TMEM116: variants seen among roughly 807,000 people sequenced by gnomAD.
The protein encoded by TMEM116 is transmembrane protein 116.
TMEM116 carries 38 observed loss-of-function variants against 44.3 expected under a neutral mutation model. The ratio of observed to expected loss-of-function variants is 0.86; its 90% CI spans 0.66 to 1.12. The LOEUF is 1.12. Among genes scored for constraint, TMEM116 ranks in the 50% most tolerant of loss-of-function variants. The pLI is 0.00. For missense variants in TMEM116, 354 were observed against 401.7 expected (o/e 0.88, Z 1.01); for synonymous variants, 132 against 144.8 (o/e 0.91, Z 0.64).
chr12:111,967,748 C>T (rs1189732385), intron 4 of TMEM116, among the ~76,000 whole-genome samples: 1 of 152,102 alleles, frequency 6.6e-6, no homozygotes, highest in African/African-American at 2.4e-5. Context: ...ACTGGGACTT[C>T]CACTTCTGGC....
chr12:111,972,383 TA>T (rs2075396213), intron 4 of TMEM116, among the ~76,000 whole-genome samples: 1 of 152,090 alleles, frequency 6.6e-6, no homozygotes, highest in Non-Finnish European at 1.5e-5. Flanking sequence ...AATCCACAAT[TA>T]TAGTCAGATA....
intron 3 of TMEM116, among the ~76,000 whole-genome samples, chr12:111,996,790 T>C (rs2076950895): frequency 6.6e-6 from 1 of 152,214 alleles, no homozygotes; most frequent in Non-Finnish European, 1.5e-5. Context: ...TATAGCAGCA[T>C]AAGCAGGTAA....
intron 3 of TMEM116, among the ~76,000 whole-genome samples, chr12:111,997,191 G>C (rs1405815292): frequency 6.6e-6 from 1 of 152,096 alleles, no homozygotes; most frequent in Non-Finnish European, 1.5e-5. Context: ...TCTTTAAATA[G>C]TACATACATG....
At chr12:111,990,591 A>C (rs142274297) in intron 4 of TMEM116, among the ~76,000 whole-genome samples, 134 of 152,330 alleles carry the variant, frequency 8.8e-4, no homozygotes, top group Admixed American at 1.8e-3. Flanking sequence ...ATTTCTTACT[A>C]AATTGACAGA....
intron 3 of TMEM116, among the ~76,000 whole-genome samples, chr12:111,998,536 G>A (rs1307538046): frequency 6.6e-6 from 1 of 152,202 alleles, no homozygotes; most frequent in African/African-American, 2.4e-5. Flanking sequence ...AGCCCTATGA[G>A]GCTGGGCGCA....
intron 4 of TMEM116, among the ~76,000 whole-genome samples, chr12:111,952,583 A>G (rs1017014084): frequency 6.6e-6 from 1 of 152,160 alleles, no homozygotes; most frequent in African/African-American, 2.4e-5. Context: ...GAGTCAGTGG[A>G]CTGTGAAAGG....
chr12:111,992,484 C>T (rs772876261), intron 3 of TMEM116, among the ~76,000 whole-genome samples: 7 of 151,962 alleles, frequency 4.6e-5, no homozygotes, highest in South Asian at 4.2e-4. Context: ...TTAGCCAGGA[C>T]GGTCTCGATC....
chr12:111,936,913 T>C, intron 7 of TMEM116, 83 bp from the exon 8 acceptor site: 1 of 1,432,770 alleles, frequency 7.0e-7, no homozygotes, highest in Non-Finnish European at 9.5e-7. Context: ...GCATGTTATT[T>C]TACTTATCAT....
At chr12:111,975,972 C>G (rs1565926987) in intron 4 of TMEM116, among the ~76,000 whole-genome samples, 1 of 152,066 alleles carries the variant, frequency 6.6e-6, no homozygotes, top group Non-Finnish European at 1.5e-5. Flanking sequence ...ACCATCAACT[C>G]CATTTAAGAA....
chr12:111,991,844 GTC>G lies in TMEM116; in HGVS notation c.122_123del (p.Gly41AlafsTer17). 1 of 1,536,200 alleles carries G rather than the reference GTC, an allele frequency of 6.5e-7. No individual in the cohort carries two copies. The highest frequency in any genetic ancestry group is 8.7e-7 in the Non-Finnish European group (1 of 1,146,752). On this transcript the variant is annotated frameshift_variant, in exon 4 of 11. Transcript: ENST00000552374. LOFTEE classifies it high-confidence loss of function. ...AGAAGTGTCTCCGTGAGCCAGCAAA[GTC>G]CCAGGAGCAGGTCACAGAAGCTCAG... is the stretch of plus-strand genomic sequence containing the variant. ...FYLSFCDLLL[G>X]LCWLTETLLY...
intron 4 of TMEM116, among the ~76,000 whole-genome samples, chr12:111,952,749 A>C (rs373759118): frequency 6.6e-6 from 1 of 151,788 alleles, no homozygotes; most frequent in Non-Finnish European, 1.5e-5. Flanking sequence ...TGAATGTCAG[A>C]CTCCAAGTTC....
Position 111,956,263 on chromosome 12 carries a change from T to G in TMEM116, c.211-12894A>C, listed in dbSNP as rs542741885. 2.0e-5 allele frequency among the ~76,000 whole-genome samples: 3 copies of G among 152,294 alleles called. No homozygotes were observed. The East Asian group carries it at 5.8e-4, about 29-fold the overall frequency. ...CATAATAAGGTTATAATATAAGAAG[T>G]GAACAAATCTCATTCTAATTTGTAT... On this transcript the variant is annotated intron_variant, in intron 4 of 10. Transcript: ENST00000552374.
At chr12:111,940,929 A>C (rs1448281182) in intron 5 of TMEM116, among the ~76,000 whole-genome samples, 2 of 152,138 alleles carry the variant, frequency 1.3e-5, no homozygotes, top group East Asian at 3.8e-4. Flanking sequence ...TATCCCTGTA[A>C]GGCTGCTGGA....
intron 4 of TMEM116, among the ~76,000 whole-genome samples, chr12:111,985,607 T>C (rs542319795): frequency 6.6e-6 from 1 of 152,196 alleles, no homozygotes; most frequent in Non-Finnish European, 1.5e-5. Context: ...TTTGTTTTTT[T>C]GAGACAAGGT....
At chr12:111,948,638 C>G (rs1466688453) in intron 4 of TMEM116, among the ~76,000 whole-genome samples, 1 of 152,042 alleles carries the variant, frequency 6.6e-6, no homozygotes, top group East Asian at 1.9e-4. Context: ...AAAATGGCAA[C>G]AATTTTACCA....
At position 111,991,864 on chromosome 12, in the gene TMEM116, A is replaced by G. The variant is rs1454248164; in HGVS notation, c.104T>C (p.Phe35Ser). ...GCAAAGTCCCAGGAGCAGGTCACAG[A>G]AGCTCAGATAAAAAAGTGGTCTTAT... ...PEIRPLFYLS[F>S]CDLLLGLCWL... is the part of the protein sequence containing the mutation. Residue 35 changes from phenylalanine (F) to serine (S), a missense_variant, in exon 4 of 11, where the codon TTC (phenylalanine) becomes TCC (serine). Coordinates refer to ENST00000552374, the MANE Select transcript of TMEM116 (RefSeq NM_001193531.2). 2 of 1,535,834 alleles carry G rather than the reference A, an allele frequency of 1.3e-6. No homozygotes were observed. Among genetic ancestry groups the G allele is most frequent in the Middle Eastern group, 3.3e-4 (2 of 6,002 alleles).
intron 4 of TMEM116, among the ~76,000 whole-genome samples, chr12:111,958,364 T>A (rs866382207): frequency 8.3e-6 from 1 of 120,466 alleles, no homozygotes; most frequent in Non-Finnish European, 1.7e-5. Flanking sequence ...AGACCAAAGG[T>A]AGATAAATTC....
intron 3 of TMEM116, among the ~76,000 whole-genome samples, chr12:112,001,524 A>C (rs1002748313): frequency 3.3e-5 from 5 of 152,208 alleles, no homozygotes; most frequent in African/African-American, 1.2e-4. Flanking sequence ...ACTAAAGAAC[A>C]GAGGGTTTAC....
chr12:111,993,956 C>T, intron 3 of TMEM116: 1 of 622,274 alleles, frequency 1.6e-6, no homozygotes, highest in South Asian at 1.4e-5. Flanking sequence ...ACTCTGACTG[C>T]ACTACAGTAG....
Sources: gnomAD v4.1 joint callset for allele counts (sites outside exome capture counted in the v4.1 genomes callset) on GRCh38, gnomAD v4.1.1 for gene constraint, MANE v1.5 for transcripts, NCBI Gene and HGNC (gene_info 2026-07-23, HGNC 2026-07-21) for gene names.